GRIN2B: variants seen among roughly 807,000 people sequenced by gnomAD.
GRIN2B encodes the protein glutamate ionotropic receptor NMDA type subunit 2B, also known as glutamate receptor ionotropic, NMDA 2B.
GRIN2B carries 5 observed loss-of-function variants against 114.5 expected under a neutral mutation model. The ratio of observed to expected loss-of-function variants is 0.04; its 90% CI spans 0.02 to 0.09. GRIN2B has a LOEUF of 0.09. Among genes scored for constraint, GRIN2B ranks in the 10% least tolerant of loss-of-function variants. The pLI is 1.00. For synonymous variants in GRIN2B, 787 were observed against 745.1 expected (o/e 1.06, Z -0.92); for missense variants, 1,108 against 1,943.5 (o/e 0.57, Z 8.08).
In GRIN2B at chr12:13,568,623, A is replaced by T. The variant is rs548309418; in HGVS notation, c.2359+1207T>A. Among the ~76,000 whole-genome samples, 65 of 152,316 alleles carry T rather than the reference A, an allele frequency of 4.3e-4. 1 individual carries two copies. In the South Asian group the frequency reaches 0.013, roughly 31 times the overall value. ...AACTTCACCTGGATTCTAAAAATCCACCTGTGGTCTTCTGCTTCTGATCTC... is the reference window on the plus strand; with the variant it reads ...AACTTCACCTGGATTCTAAAAATCCTCCTGTGGTCTTCTGCTTCTGATCTC... On this transcript the variant is annotated intron_variant, in intron 12 of 13. Transcript: ENST00000609686.
Position 13,541,972 on chromosome 12 carries a change from C to T in GRIN2B, c.*20811G>A, listed in dbSNP as rs1948284299. ...AGTGGAATTTTATTTTTCTGCTCTC[C>T]TTGCCAAACTACTTGTTTTTTTCAG... On this transcript the variant is annotated 3_prime_UTR_variant, in exon 14 of 14. Coordinates refer to ENST00000609686, the MANE Select transcript of GRIN2B (RefSeq NM_000834.5). 6.6e-6 allele frequency: 1 copy of T among 152,200 alleles called. No individual in the cohort carries two copies. The highest frequency in any genetic ancestry group is 6.5e-5 in the Admixed American group (1 of 15,278). The allele number at this position is 152,200 out of a possible 1,614,324, so 9.4% of individuals were successfully genotyped here. A position where few individuals can be genotyped will look rare whatever the true frequency, so the allele number is the denominator to read the frequency against.
Position 13,626,089 on chromosome 12 carries a change from T to C in GRIN2B, c.1126-9432A>G, listed in dbSNP as rs186181584. On this transcript the variant is annotated intron_variant, in intron 5 of 13. Coordinates refer to ENST00000609686, the MANE Select transcript of GRIN2B (RefSeq NM_000834.5). ...CCTCAGAGTCCTATTCTTAGACTTA[T>C]AGGAGCTCAATCAGTGAGAACCGAG... Among the ~76,000 whole-genome samples, 12 of 152,302 alleles carry C rather than the reference T, an allele frequency of 7.9e-5. No homozygotes were observed. In the East Asian group the frequency reaches 1.7e-3, roughly 22 times the overall value.
At chr12:13,954,450 C>T (rs1447466886) in intron 2 of GRIN2B, among the ~76,000 whole-genome samples, 1 of 152,100 alleles carries the variant, frequency 6.6e-6, no homozygotes, top group African/African-American at 2.4e-5. Context: ...AAAAGCAAGA[C>T]AGCATTGGTC....
chr12:13,753,564 T>A lies in GRIN2B; in HGVS notation c.763A>T (p.Thr255Ser). 6.2e-7 allele frequency: 1 copy of A among 1,614,218 alleles called. No homozygotes were observed. Among genetic ancestry groups the A allele is most frequent in the Non-Finnish European group, 8.5e-7 (1 of 1,180,018 alleles). ...GCCACCAGACTGGGCACGATCCACG[T>A]GTAGCCATAGCCAGTCAGCCCTACT... The part of the protein sequence containing the change: ...NSVGLTGYGY[T>S]WIVPSLVAGD... The change falls in exon 4 of 14, where the codon ACG (threonine) becomes TCG (serine). Residue 255 changes from threonine to serine, a missense_variant. By Grantham distance (58) the Thr-to-Ser change is moderately conservative (BLOSUM62 1). This residue lies in a region of GRIN2B where 199 missense variants were observed against 439.6 expected (regional missense o/e 0.45). Coordinates refer to ENST00000609686, the MANE Select transcript of GRIN2B (RefSeq NM_000834.5). The surrounding 1 kb of genome is among the most constrained non-coding windows in gnomAD (Gnocchi z 6.2).
At chr12:13,652,471 G>A (rs1264223212) in intron 5 of GRIN2B, among the ~76,000 whole-genome samples, 3 of 152,098 alleles carry the variant, frequency 2.0e-5, no homozygotes, top group African/African-American at 4.8e-5. Context: ...AGTTAGCCAA[G>A]TGCTAACAGT....
At chr12:13,844,358 A>C (rs1053526041) in intron 3 of GRIN2B, among the ~76,000 whole-genome samples, 4 of 152,084 alleles carry the variant, frequency 2.6e-5, no homozygotes, top group Non-Finnish European at 4.4e-5. Flanking sequence ...TTTCCAATCA[A>C]TGTCTAGGCC....
chr12:13,663,881 G>C (rs1323614008), intron 5 of GRIN2B, among the ~76,000 whole-genome samples: 1 of 152,094 alleles, frequency 6.6e-6, no homozygotes, highest in Admixed American at 6.6e-5. Flanking sequence ...TAAAATGATA[G>C]TGAACACGAG....
chr12:13,840,348 G>A (rs933778188), intron 3 of GRIN2B, among the ~76,000 whole-genome samples: 4 of 152,148 alleles, frequency 2.6e-5, no homozygotes, highest in African/African-American at 7.2e-5. Flanking sequence ...GCTGAGAAAC[G>A]TGCCTTGGAT....
chr12:13,817,301 T>A (rs1365801391), intron 3 of GRIN2B, among the ~76,000 whole-genome samples: 4 of 151,420 alleles, frequency 2.6e-5, no homozygotes, highest in African/African-American at 9.7e-5. Flanking sequence ...CTCCACAGCA[T>A]GTACTCTAGC....
chr12:13,908,931 C>G (rs1866587121), intron 2 of GRIN2B, among the ~76,000 whole-genome samples: 1 of 152,184 alleles, frequency 6.6e-6, no homozygotes. Context: ...GGAAGAGCCA[C>G]TATCATGGAA....
At chr12:13,576,190 T>A (rs1948773560) in intron 10 of GRIN2B, among the ~76,000 whole-genome samples, 1 of 152,196 alleles carries the variant, frequency 6.6e-6, no homozygotes, top group Admixed American at 6.5e-5. Context: ...GAACTTGAAC[T>A]GTACTAAAAT....
intron 3 of GRIN2B, among the ~76,000 whole-genome samples, chr12:13,804,515 C>G (rs1385270739): frequency 2.0e-5 from 3 of 152,062 alleles, no homozygotes; most frequent in African/African-American, 7.2e-5. Flanking sequence ...AATTATAACA[C>G]TTTCATATTT....
At position 13,552,490 on chromosome 12, in the gene GRIN2B, C is replaced by G. The variant is rs941665868; in HGVS notation, c.*10293G>C. The stretch of plus-strand genomic sequence containing the variant: ...TTTCCTTCCTCATATCCTCCCTTTC[C>G]TTTTATGGGTATTTGTAGGCAAAAT... On this transcript the variant is annotated 3_prime_UTR_variant, in exon 14 of 14. Transcript: ENST00000609686. The G allele has an allele frequency of 1.4e-4, 21 of 152,038 alleles. No homozygotes were observed. Among genetic ancestry groups the G allele is most frequent in the African/African-American group, 5.1e-4 (21 of 41,402 alleles). The allele number at this position is 152,038 out of a possible 1,614,324, so 9.4% of individuals were successfully genotyped here. A position where few individuals can be genotyped will look rare whatever the true frequency, so the allele number is the denominator to read the frequency against.
chr12:13,685,691 C>T (rs1374448419), intron 4 of GRIN2B, among the ~76,000 whole-genome samples: 1 of 152,110 alleles, frequency 6.6e-6, no homozygotes, highest in East Asian at 1.9e-4. Flanking sequence ...CTTCAGAAAA[C>T]CCAGTCATAA....
intron 4 of GRIN2B, among the ~76,000 whole-genome samples, chr12:13,752,786 C>T (rs1285022661): frequency 6.6e-6 from 1 of 152,186 alleles, no homozygotes; most frequent in Admixed American, 6.5e-5. Context: ...AAAGAATATC[C>T]TTCATACGAC....
At chr12:13,782,707 T>C (rs1864140774) in intron 3 of GRIN2B, among the ~76,000 whole-genome samples, 1 of 152,244 alleles carries the variant, frequency 6.6e-6, no homozygotes, top group Non-Finnish European at 1.5e-5. Flanking sequence ...TTAAGCTGTC[T>C]TTCACTCAGG....
chr12:13,620,950 T>C (rs1160487662), intron 5 of GRIN2B, among the ~76,000 whole-genome samples: 2 of 63,346 alleles, frequency 3.2e-5, no homozygotes, highest in Non-Finnish European at 8.1e-5. Flanking sequence ...GTGAAACTTT[T>C]TTGAAAAAAA....
chr12:13,578,230 A>G (rs1268678629), intron 10 of GRIN2B, among the ~76,000 whole-genome samples: 1 of 152,194 alleles, frequency 6.6e-6, no homozygotes, highest in Admixed American at 6.5e-5. Flanking sequence ...TATGACAAAC[A>G]GGTCCATGTC....
At chr12:13,842,315 CCAG>C (rs1273555237) in intron 3 of GRIN2B, among the ~76,000 whole-genome samples, 1 of 152,206 alleles carries the variant, frequency 6.6e-6, no homozygotes, top group Non-Finnish European at 1.5e-5. Context: ...GTCAACATCA[CCAG>C]CAGTTTTGAT....
Sources: gnomAD v4.1 joint callset for allele counts (sites outside exome capture counted in the v4.1 genomes callset) on GRCh38, gnomAD v4.1.1 for gene constraint, gnomAD v4.1.1 regional missense constraint, Gnocchi (gnomAD v3.1) non-coding constraint, MANE v1.5 for transcripts, NCBI Gene and HGNC (gene_info 2026-07-23, HGNC 2026-07-21) for gene names.